Variants in ZC3H12C observed in about 807,000 individuals in gnomAD.
The protein encoded by ZC3H12C is zinc finger CCCH-type containing 12C, also known as probable ribonuclease ZC3H12C.
ZC3H12C carries 20 observed loss-of-function variants against 76.3 expected under a neutral mutation model. That is an observed-to-expected ratio of 0.26 (90% CI 0.18 to 0.38). The LOEUF is 0.38. ZC3H12C is among the 10% of genes least tolerant of loss of function. The probability of loss-of-function intolerance (pLI) is 1.00; values close to 1 mark genes in which losing one functional copy is unlikely to be tolerated. For synonymous variants in ZC3H12C, 352 were observed against 399.6 expected, an observed-to-expected ratio of 0.88 and a Z score of 1.42; for missense variants, 874 against 1,086.5, an observed-to-expected ratio of 0.80 and a Z score of 2.75.
At chr11:110,101,819 G>A (rs1293598123) in intron 1 of ZC3H12C, among the ~76,000 whole-genome samples, 2 of 151,952 alleles carry the variant, frequency 1.3e-5, no homozygotes, top group African/African-American at 4.8e-5. Context: ...AAGTGCTGGA[G>A]GACTAAAAGC....
At position 110,170,828 on chromosome 11, in the gene ZC3H12C, G is replaced by A. The variant is rs1862664200; in HGVS notation, c.*5091G>A. ...TTTCTTTTAAAATTGGAATGCAACT[G>A]TAGGTTTTAACAATGTTTATTGTTT... is the stretch of plus-strand genomic sequence containing the variant. On this transcript the variant is annotated 3_prime_UTR_variant, in exon 6 of 6. Transcript: ENST00000278590. The A allele has an allele frequency of 6.6e-6, 1 of 152,224 alleles. No individual in the cohort carries two copies. Among genetic ancestry groups the A allele is most frequent in the South Asian group, 2.1e-4 (1 of 4,834 alleles). 9.4% of individuals were successfully genotyped at this position (152,224 alleles called of 1,614,324 possible).
intron 1 of ZC3H12C, among the ~76,000 whole-genome samples, chr11:110,117,763 A>G (rs1201864428): frequency 7.3e-6 from 1 of 137,116 alleles, no homozygotes; most frequent in African/African-American, 2.7e-5. Context: ...ATATATACAC[A>G]CACACATATA....
chr11:110,136,435 T>A (rs1207340865), intron 1 of ZC3H12C: 1 of 507,040 alleles, frequency 2.0e-6, no homozygotes, highest in Non-Finnish European at 3.5e-6. Context: ...TTCTACTACT[T>A]ATTTACTTTG....
At chr11:110,113,549 T>C (rs4754420) in intron 1 of ZC3H12C, among the ~76,000 whole-genome samples, 108,287 of 152,064 alleles carry the variant, frequency 0.71, 38,896 homozygotes, top group East Asian at 0.89. Flanking sequence ...TTGTTTTATG[T>C]ATTGAAAAGC....
chr11:110,157,812 G>C (rs921403479), intron 3 of ZC3H12C, among the ~76,000 whole-genome samples: 12 of 152,294 alleles, frequency 7.9e-5, no homozygotes, highest in African/African-American at 2.9e-4. Flanking sequence ...TGCTGTGGCA[G>C]TTACAACCCT....
intron 1 of ZC3H12C, among the ~76,000 whole-genome samples, chr11:110,117,292 T>A (rs1196279287): frequency 2.0e-5 from 3 of 152,204 alleles, no homozygotes; most frequent in African/African-American, 4.8e-5. Flanking sequence ...TATTGGCTAA[T>A]CTATTAGTAT....
chr11:110,094,971 A>T (rs1462297460), intron 1 of ZC3H12C, among the ~76,000 whole-genome samples: 3 of 152,218 alleles, frequency 2.0e-5, no homozygotes, highest in Non-Finnish European at 4.4e-5. Flanking sequence ...ATTATAACCA[A>T]AGTAAAATGA....
chr11:110,146,692 A>G (rs1862177183), intron 2 of ZC3H12C, among the ~76,000 whole-genome samples: 2 of 152,158 alleles, frequency 1.3e-5, no homozygotes, highest in African/African-American at 2.4e-5. Flanking sequence ...CTTGTGAACA[A>G]TTCCAACTGG....
At chr11:110,130,897 C>T in intron 1 of ZC3H12C, 2 of 793,152 alleles carry the variant, frequency 2.5e-6, no homozygotes, top group East Asian at 2.7e-5. Flanking sequence ...GGTTGTCTTG[C>T]ATCTGCCCGG....
intron 1 of ZC3H12C, among the ~76,000 whole-genome samples, chr11:110,121,728 G>C (rs1485360341): frequency 6.6e-6 from 1 of 152,000 alleles, no homozygotes; most frequent in Non-Finnish European, 1.5e-5. Flanking sequence ...CATCTTACAA[G>C]AACACTGATG....
intron 1 of ZC3H12C, among the ~76,000 whole-genome samples, chr11:110,095,616 C>T (rs181868559): frequency 3.3e-5 from 5 of 152,276 alleles, no homozygotes; most frequent in Admixed American, 3.3e-4. Flanking sequence ...CTGTGTAAGG[C>T]CCCCGACCTC....
intron 1 of ZC3H12C, among the ~76,000 whole-genome samples, chr11:110,100,247 G>A (rs1861189575): frequency 8.4e-6 from 1 of 118,532 alleles, no homozygotes. Flanking sequence ...GTCTCTCTAT[G>A]TTGCCCAGGC....
chr11:110,122,133 A>G (rs1298079727), intron 1 of ZC3H12C, among the ~76,000 whole-genome samples: 1 of 152,220 alleles, frequency 6.6e-6, no homozygotes, highest in Admixed American at 6.5e-5. Flanking sequence ...GCCTAAAGAT[A>G]TGATTGTGCA....
rs180740898 is a variant in ZC3H12C, at chr11:110,109,870, G to T, written c.21+16438G>T. 2.6e-4 allele frequency among the ~76,000 whole-genome samples: 39 copies of T among 152,172 alleles called. 1 individual carries two copies. Among genetic ancestry groups the T allele is most frequent in the Middle Eastern group, 6.8e-3 (2 of 294 alleles). On this transcript the variant is annotated intron_variant, in intron 1 of 5. Coordinates refer to ENST00000278590, the MANE Select transcript of ZC3H12C (RefSeq NM_033390.2). ...AGATAGTGGGATTTTTAGATGGTTG[G>T]CTGGTTTGTTTTTGGCTTTCTATCT... is the stretch of plus-strand genomic sequence containing the variant.
intron 1 of ZC3H12C, 131 bp downstream of exon 1, chr11:110,093,563 C>T (rs927163681): frequency 5.0e-6 from 3 of 600,330 alleles, no homozygotes; most frequent in East Asian, 1.1e-4. Flanking sequence ...AGCGACCTCG[C>T]CGTGTGATCT....
chr11:110,165,470 G>A lies in ZC3H12C; in HGVS notation c.2385G>A (p.Leu795=), dbSNP rs776649585. ...DAYGYRQTYS[L]PDNSTQPCYE... The stretch of plus-strand genomic sequence containing the variant: ...ATGGGTACCGGCAGACTTATTCCTT[G>A]CCCGATAACTCCACACAGCCGTGTT... Residue 795 remains leucine, a synonymous_variant, in exon 6 of 6, where the codon TTG becomes TTA. Transcript: ENST00000278590. 5 of 1,613,978 alleles carry A rather than the reference G, an allele frequency of 3.1e-6. No individual in the cohort carries two copies. The highest frequency in any genetic ancestry group is 4.2e-6 in the Non-Finnish European group (5 of 1,179,888).
chr11:110,137,683 AGT>A (rs1462446753), intron 2 of ZC3H12C, among the ~76,000 whole-genome samples: 1 of 152,138 alleles, frequency 6.6e-6, no homozygotes, highest in African/African-American at 2.4e-5. Flanking sequence ...TATAAAAATT[AGT>A]GTGTGTTTCT....
chr11:110,164,283 C>CT lies in ZC3H12C; in HGVS notation c.1256-57dup. 1 of 1,446,658 alleles carries CT rather than the reference C, an allele frequency of 6.9e-7. No homozygotes were observed. The highest frequency in any genetic ancestry group is 9.2e-7 in the Non-Finnish European group (1 of 1,089,102). 89.6% of individuals were successfully genotyped at this position (1,446,658 alleles called of 1,614,324 possible). ...TACAAGTTAAAATCATAGGGCCAAACTGAGTTTTCAGGATCTGATGGTATG... is the reference window on the plus strand; with the variant it reads ...TACAAGTTAAAATCATAGGGCCAAACTTGAGTTTTCAGGATCTGATGGTATG... On this transcript the variant is annotated intron_variant, in intron 5 of 5. Coordinates refer to ENST00000278590, the MANE Select transcript of ZC3H12C (RefSeq NM_033390.2). This position sits in a 1 kb window ranked among gnomAD's most constrained non-coding sequence, Gnocchi z 5.7.
At chr11:110,109,659 C>A (rs1312840255) in intron 1 of ZC3H12C, among the ~76,000 whole-genome samples, 1 of 152,130 alleles carries the variant, frequency 6.6e-6, no homozygotes, top group Non-Finnish European at 1.5e-5. Flanking sequence ...TTTAACACTT[C>A]CAACTTAAAT....
Sources: allele counts gnomAD v4.1 joint callset (sites outside exome capture counted in the v4.1 genomes callset), GRCh38; gene constraint gnomAD v4.1.1; non-coding constraint Gnocchi (gnomAD v3.1); transcripts MANE v1.5; gene names NCBI Gene and HGNC (gene_info 2026-07-23, HGNC 2026-07-21).